The following IL1RAPL2 variants were observed in gnomAD, a reference collection of about 807,000 sequenced individuals.
The protein encoded by IL1RAPL2 is X-linked interleukin-1 receptor accessory protein-like 2.
A neutral mutation model predicts 44.1 loss-of-function variants in IL1RAPL2; 3 were observed. The ratio of observed to expected loss-of-function variants is 0.07; its 90% confidence interval spans 0.03 to 0.18. IL1RAPL2 has a LOEUF of 0.18. IL1RAPL2 is among the 10% of genes least tolerant of loss of function. The pLI, the probability that IL1RAPL2 is intolerant of heterozygous loss-of-function variation, is 1.00. For synonymous variants in IL1RAPL2, 181 were observed against 178.8 expected (o/e 1.01, Z -0.10); for missense variants, 391 against 496.4 (o/e 0.79, Z 2.02).
chrX:105,371,325 G>A (rs1295453523), intron 5 of IL1RAPL2, among the ~76,000 whole-genome samples: 1 of 111,763 alleles, frequency 8.9e-6, no homozygotes. Context: ...GTCCAGAATG[G>A]TATTTCCTAG....
intron 5 of IL1RAPL2, chrX:105,405,687 A>G: frequency 6.8e-6 from 7 of 1,023,157 alleles, no homozygotes; most frequent in African/African-American, 1.8e-5. Flanking sequence ...AGCCCTAAGA[A>G]CGGAAAGAGT....
At chrX:104,603,321 G>A (rs1214968696) in intron 1 of IL1RAPL2, among the ~76,000 whole-genome samples, 2 of 111,498 alleles carry the variant, frequency 1.8e-5, no homozygotes, top group Non-Finnish European at 3.8e-5. Flanking sequence ...AAGACCAAAG[G>A]TAGATAAATC....
chrX:105,504,475 G>A lies in IL1RAPL2; in HGVS notation c.772+20088G>A, dbSNP rs769504394. On this transcript the variant is annotated intron_variant, in intron 6 of 10. Transcript: ENST00000372582. ...ATCTGGACAATTCTGAGATCCTGAT[G>A]TGTTTGTGGAGTTTGTATTGATGCA... is the stretch of plus-strand genomic sequence containing the variant. Among the ~76,000 whole-genome samples the A allele has an allele frequency of 3.8e-3, 427 of 111,642 alleles. 2 individuals are homozygous for A. Among genetic ancestry groups the A allele is most frequent in the African/African-American group, 0.013 (408 of 30,840 alleles).
intron 2 of IL1RAPL2, among the ~76,000 whole-genome samples, chrX:105,043,586 G>GTTTTGCT: frequency 2.9e-5 from 3 of 104,796 alleles, no homozygotes; most frequent in Middle Eastern, 9.7e-3. Context: ...AAAAAAACAT[G>GTTTTGCT]TTTTGCTTTG....
At chrX:105,668,652 G>T (rs1464382907) in intron 6 of IL1RAPL2, among the ~76,000 whole-genome samples, 1 of 112,145 alleles carries the variant, frequency 8.9e-6, no homozygotes, top group Non-Finnish European at 1.9e-5. Context: ...GCTTATATTG[G>T]GATGTGTGAA....
At chrX:104,830,875 C>A (rs182873012) in intron 2 of IL1RAPL2, among the ~76,000 whole-genome samples, 1 of 112,185 alleles carries the variant, frequency 8.9e-6, no homozygotes, top group African/African-American at 3.2e-5. Flanking sequence ...TGACAACACT[C>A]CTATAGTAAC....
chrX:104,676,200 A>G (rs1275304312), intron 2 of IL1RAPL2, among the ~76,000 whole-genome samples: 2 of 111,149 alleles, frequency 1.8e-5, no homozygotes, highest in African/African-American at 6.6e-5. Flanking sequence ...AGTCTGGATG[A>G]TCTTTACATT....
intron 2 of IL1RAPL2, among the ~76,000 whole-genome samples, chrX:104,809,516 A>C (rs2080430453): frequency 9.1e-6 from 1 of 110,437 alleles, no homozygotes; most frequent in Non-Finnish European, 1.9e-5. Context: ...TTGGCTGCAT[A>C]AATGTCTTCT....
chrX:105,390,110 C>T (rs1424890549), intron 5 of IL1RAPL2, among the ~76,000 whole-genome samples: 1 of 111,790 alleles, frequency 8.9e-6, no homozygotes, highest in Non-Finnish European at 1.9e-5. Flanking sequence ...ATGTCTCCCT[C>T]CTCTGCTGTT....
intron 2 of IL1RAPL2, among the ~76,000 whole-genome samples, chrX:104,862,713 C>G (rs1922525593): frequency 8.9e-6 from 1 of 111,826 alleles, no homozygotes; most frequent in African/African-American, 3.2e-5. Context: ...TAGTTCCAAA[C>G]TTTATAAATG....
intron 3 of IL1RAPL2, among the ~76,000 whole-genome samples, chrX:105,203,058 T>C (rs782666650): frequency 9.0e-6 from 1 of 111,449 alleles, no homozygotes; most frequent in African/African-American, 3.3e-5. Context: ...AGAAAAAAAA[T>C]GTAGTCAGGA....
chrX:105,358,518 A>G (rs963117784), intron 5 of IL1RAPL2, among the ~76,000 whole-genome samples: 1 of 109,553 alleles, frequency 9.1e-6, no homozygotes, highest in African/African-American at 3.3e-5. Flanking sequence ...TCTACAAAAA[A>G]TACAAAAATT....
Position 105,450,750 on chromosome X carries a change from C to T in IL1RAPL2, c.698-33563C>T, listed in dbSNP as rs773471155. On this transcript the variant is annotated intron_variant, in intron 5 of 10. Transcript: ENST00000372582. ...TAATCTCTTTCATTTTAGTAAATCT[C>T]TACAGAGAACATTGACACATACTGG... is the stretch of plus-strand genomic sequence containing the variant. Among the ~76,000 whole-genome samples, 4 of 112,030 alleles carry T rather than the reference C, an allele frequency of 3.6e-5. No individual in the cohort carries two copies. The South Asian group carries it at 1.5e-3, about 41-fold the overall frequency.
Position 104,887,705 on chromosome X carries a change from A to G in IL1RAPL2, c.82+228710A>G, listed in dbSNP as rs191466437. Among the ~76,000 whole-genome samples the G allele has an allele frequency of 3.0e-3, 338 of 111,920 alleles. 1 individual carries two copies. Among genetic ancestry groups the G allele is most frequent in the African/African-American group, 1.0e-2 (307 of 30,798 alleles). On this transcript the variant is annotated intron_variant, in intron 2 of 10. Transcript: ENST00000372582. The stretch of plus-strand genomic sequence containing the variant: ...CCAGAGGATGGGGAACCAATCGAGC[A>G]TGACTGCCACAAATTATAGTCCAGA...
At chrX:104,969,517 A>G (rs1475994281) in intron 2 of IL1RAPL2, among the ~76,000 whole-genome samples, 4 of 112,028 alleles carry the variant, frequency 3.6e-5, no homozygotes, top group Non-Finnish European at 7.5e-5. Context: ...TCATTTTACT[A>G]TAATAGAAGT....
rs34962051 is a variant in IL1RAPL2, at chrX:105,286,607, CTTTT to C, written c.697+19075_697+19078del. Among the ~76,000 whole-genome samples, 41 of 103,808 alleles carry C rather than the reference CTTTT, an allele frequency of 3.9e-4. 1 individual carries two copies. Among genetic ancestry groups the C allele is most frequent in the African/African-American group, 1.3e-3 (38 of 29,212 alleles). 90.1% of individuals were successfully genotyped at this position (103,808 alleles called of 115,157 possible). A position where few individuals can be genotyped will look rare whatever the true frequency, so the allele number is the denominator to read the frequency against. On this transcript the variant is annotated intron_variant, in intron 5 of 10. Coordinates refer to ENST00000372582, the MANE Select transcript of IL1RAPL2 (RefSeq NM_017416.2). ...TAAGACAACGATAGAACAAAACAGC[CTTTT>C]TTTTTTTTAAAAAAACAACTTCTAT...
intron 2 of IL1RAPL2, among the ~76,000 whole-genome samples, chrX:104,693,591 G>T (rs1187281835): frequency 8.9e-6 from 1 of 111,768 alleles, no homozygotes; most frequent in East Asian, 2.8e-4. Flanking sequence ...TAACTTGGCT[G>T]GACTAAAGCA....
At chrX:104,831,839 G>C (rs900902633) in intron 2 of IL1RAPL2, among the ~76,000 whole-genome samples, 1 of 111,044 alleles carries the variant, frequency 9.0e-6, no homozygotes, top group Non-Finnish European at 1.9e-5. Context: ...CTCTGAGACT[G>C]TTCCTACATT....
At chrX:104,824,635 A>G (rs1237273947) in intron 2 of IL1RAPL2, among the ~76,000 whole-genome samples, 5 of 111,696 alleles carry the variant, frequency 4.5e-5, no homozygotes, top group African/African-American at 1.6e-4. Flanking sequence ...GTTTCCAGGA[A>G]TTTATCCATT....
Sources: allele counts gnomAD v4.1 joint callset (sites outside exome capture counted in the v4.1 genomes callset), GRCh38; gene constraint gnomAD v4.1.1; transcripts MANE v1.5; gene names NCBI Gene and HGNC (gene_info 2026-07-23, HGNC 2026-07-21).